SYMPK: variants seen among roughly 807,000 people sequenced by gnomAD.
The protein encoded by SYMPK is symplekin scaffold protein.
Under a neutral mutation model 136.4 loss-of-function variants are expected in SYMPK, and 49 were observed. The ratio of observed to expected loss-of-function variants is 0.36; its 90% CI spans 0.29 to 0.46. The LOEUF is 0.46. SYMPK is among the 20% of genes least tolerant of loss of function. SYMPK has a pLI of 1.00. For synonymous variants in SYMPK, 766 were observed against 713.0 expected, an observed-to-expected ratio of 1.07 and a Z score of -1.19; for missense variants, 1,365 against 1,690.0, an observed-to-expected ratio of 0.81 and a Z score of 3.37.
At chr19:45,826,558 C>G (rs755665985) in intron 16 of SYMPK, among the ~76,000 whole-genome samples, 185 bp from the exon 17 acceptor site, 3 of 152,120 alleles carry the variant, frequency 2.0e-5, no homozygotes, top group Non-Finnish European at 4.4e-5. Flanking sequence ...GGGCCGGACC[C>G]GCAGCACCAC....
At chr19:45,857,337 G>T (rs1338443676) in intron 1 of SYMPK, among the ~76,000 whole-genome samples, 3 of 140,642 alleles carry the variant, frequency 2.1e-5, no homozygotes, top group South Asian at 4.8e-4. Context: ...ATGAACCCGG[G>T]AAGCGGAACT....
At chr19:45,852,060 G>C (rs776344168) in intron 5 of SYMPK, among the ~76,000 whole-genome samples, 2 of 152,240 alleles carry the variant, frequency 1.3e-5, no homozygotes, top group Non-Finnish European at 2.9e-5. Context: ...AGATGCTACA[G>C]ATATTCTCAA....
rs886449012 is a variant in SYMPK, at chr19:45,863,059, G to T, written c.-14C>A. ...GCCCAAACGCCGCCTCCCGCTCACCGCAGCTCTGGCCTCCGTTCCCCTCGC... is the reference window on the plus strand; with the variant it reads ...GCCCAAACGCCGCCTCCCGCTCACCTCAGCTCTGGCCTCCGTTCCCCTCGC... On this transcript the variant is annotated splice_region_variant and 5_prime_UTR_variant, in exon 1 of 27. Coordinates refer to ENST00000245934, the MANE Select transcript of SYMPK (RefSeq NM_004819.3). 6 of 332,332 alleles carry T rather than the reference G, an allele frequency of 1.8e-5. No individual in the cohort carries two copies. The highest frequency in any genetic ancestry group is 2.7e-5 in the Non-Finnish European group (5 of 185,232). The allele number at this position is 332,332 out of a possible 1,614,324, so 20.6% of individuals were successfully genotyped here. A position where few individuals can be genotyped will look rare whatever the true frequency, so the allele number is the denominator to read the frequency against.
chr19:45,817,954 G>T lies in SYMPK; in HGVS notation c.3081+5C>A. 6.4e-7 allele frequency: 1 copy of T among 1,568,260 alleles called. No homozygotes were observed. The highest frequency in any genetic ancestry group is 8.7e-7 in the Non-Finnish European group (1 of 1,155,962). ...CTGGAGGCGGGGTGGCCGGGGATGGGTTACCTGCTTCATGATGAGGCGGGA... is the reference window on the plus strand; with the variant it reads ...CTGGAGGCGGGGTGGCCGGGGATGGTTTACCTGCTTCATGATGAGGCGGGA... On this transcript the variant is annotated splice_donor_5th_base_variant and intron_variant, in intron 23 of 26. Coordinates refer to ENST00000245934, the MANE Select transcript of SYMPK (RefSeq NM_004819.3).
chr19:45,832,058 G>T (rs1349396024), intron 11 of SYMPK, among the ~76,000 whole-genome samples: 2 of 152,144 alleles, frequency 1.3e-5, no homozygotes, highest in East Asian at 3.9e-4. Context: ...GCCCAGCTTA[G>T]TCTTGAACTC....
chr19:45,829,985 C>A, intron 13 of SYMPK, 69 bp downstream of exon 13: 2 of 1,485,730 alleles, frequency 1.3e-6, no homozygotes, highest in Non-Finnish European at 9.0e-7. Context: ...CCAGACTCTT[C>A]GCTGGATGTG....
chr19:45,848,831 G>A lies in SYMPK; in HGVS notation c.345C>T (p.Asn115=), dbSNP rs1971627078. ...TCACATTCTCGTCCCTCAAGAGCATGTTGAGGTTTGCAATGAGTTTCAGCA... is the reference window on the plus strand; with the variant it reads ...TCACATTCTCGTCCCTCAAGAGCATATTGAGGTTTGCAATGAGTTTCAGCA... ...ELLLKLIANL[N]MLLRDENVNV... Residue 115 remains asparagine (N), a synonymous_variant, in exon 6 of 27, where the codon AAC becomes AAT. Transcript: ENST00000245934. 1.9e-6 allele frequency: 3 copies of A among 1,614,008 alleles called. No homozygotes were observed. The highest frequency in any genetic ancestry group is 3.3e-4 in the Middle Eastern group (2 of 5,998).
Position 45,838,356 on chromosome 19 carries a change from G to A in SYMPK, c.1242+105C>T, listed in dbSNP as rs1032564456. On this transcript the variant is annotated intron_variant, in intron 10 of 26. Transcript: ENST00000245934. ...TAAACCCCTTTTCTTTATTAATTAG[G>A]AGGGTACTCTGGAGGAGGTGGATGG... 6.7e-6 allele frequency: 9 copies of A among 1,339,538 alleles called. No homozygotes were observed. In the African/African-American group the frequency reaches 1.3e-4, roughly 20 times the overall value. 83.0% of individuals were successfully genotyped at this position (1,339,538 alleles called of 1,614,324 possible).
chr19:45,857,850 G>A lies in SYMPK; in HGVS notation c.-12-3343C>T, dbSNP rs1368062242. On this transcript the variant is annotated intron_variant, in intron 1 of 26. Transcript: ENST00000245934. ...TTTCACTCTTGTTTCCCAGGCTGGA[G>A]TGTAATGGCACAATCTCAGCTCACC... Among the ~76,000 whole-genome samples the A allele has an allele frequency of 2.0e-5, 3 of 147,344 alleles. No homozygotes were observed. In the East Asian group the frequency reaches 6.0e-4, roughly 30 times the overall value.
intron 4 of SYMPK, 40 bp from the exon 5 acceptor site, chr19:45,852,425 G>C: frequency 1.2e-6 from 2 of 1,613,670 alleles, no homozygotes; most frequent in Non-Finnish European, 1.7e-6. Flanking sequence ...GGCTACACAA[G>C]GATCCACATC....
chr19:45,854,591 A>G, intron 1 of SYMPK, 84 bp from the exon 2 acceptor site: 1 of 1,092,810 alleles, frequency 9.2e-7, no homozygotes, highest in Non-Finnish European at 1.3e-6. Context: ...AACACCTACA[A>G]AGGGCCCAAG....
chr19:45,862,382 C>G (rs754995698), intron 1 of SYMPK: 2 of 152,180 alleles, frequency 1.3e-5, no homozygotes, highest in Non-Finnish European at 2.9e-5. Context: ...CAAACTGGCT[C>G]TAGGAGTATC....
chr19:45,823,717 G>T, intron 19 of SYMPK, 50 bp downstream of exon 19: 1 of 1,533,026 alleles, frequency 6.5e-7, no homozygotes, highest in Non-Finnish European at 9.0e-7. Context: ...GCCCGGGGAA[G>T]GCTAAGGAGA....
chr19:45,862,027 CCT>C (rs1428997925), intron 1 of SYMPK: 2 of 144,628 alleles, frequency 1.4e-5, no homozygotes, highest in Non-Finnish European at 3.0e-5. Flanking sequence ...AGAGTGAGAC[CCT>C]GTCTCAAAAA....
intron 10 of SYMPK, among the ~76,000 whole-genome samples, chr19:45,836,793 C>T (rs779330124): frequency 2.0e-5 from 3 of 152,104 alleles, no homozygotes; most frequent in Non-Finnish European, 4.4e-5. Context: ...TACATGCCAC[C>T]ATGCCCGGCT....
chr19:45,843,668 C>T (rs150890921), intron 8 of SYMPK, among the ~76,000 whole-genome samples: 4 of 152,116 alleles, frequency 2.6e-5, no homozygotes, highest in East Asian at 1.9e-4. Flanking sequence ...AGGCTGAGGC[C>T]GGGTGCAGTG....
At chr19:45,838,332 A>G in intron 10 of SYMPK, 129 bp downstream of exon 10, 1 of 1,175,838 alleles carries the variant, frequency 8.5e-7, no homozygotes, top group African/African-American at 1.5e-5. Context: ...TAAGCCAATT[A>G]AACCCCTTTT....
At chr19:45,823,913 G>A (rs751841036) in intron 18 of SYMPK, 38 bp from the exon 19 acceptor site, 1 of 1,562,642 alleles carries the variant, frequency 6.4e-7, no homozygotes. Flanking sequence ...CCCAGGGTGA[G>A]AGCTTAGGGG....
intron 11 of SYMPK, among the ~76,000 whole-genome samples, chr19:45,833,211 T>A (rs1399906704): frequency 6.7e-6 from 1 of 148,270 alleles, no homozygotes; most frequent in East Asian, 2.1e-4. Flanking sequence ...CTCAAAAAAA[T>A]AAATAAATAA....
Sources: gnomAD v4.1 joint callset for allele counts (sites outside exome capture counted in the v4.1 genomes callset) on GRCh38, gnomAD v4.1.1 for gene constraint, MANE v1.5 for transcripts, NCBI Gene and HGNC (gene_info 2026-07-23, HGNC 2026-07-21) for gene names.